CAPRIN1: variants seen among roughly 807,000 people sequenced by gnomAD.
CAPRIN1 encodes the protein cell cycle associated protein 1.
CAPRIN1 carries 29 observed loss-of-function variants against 100.9 expected under a neutral mutation model. The observed-to-expected ratio is 0.29, with a 90% CI of 0.21 to 0.39. The LOEUF is 0.39. Among genes scored for constraint, CAPRIN1 ranks in the 10% least tolerant of loss-of-function variants. The pLI is 1.00. For synonymous variants in CAPRIN1, 338 were observed against 307.5 expected, an observed-to-expected ratio of 1.10 and a Z score of -1.04; for missense variants, 795 against 876.7, an observed-to-expected ratio of 0.91 and a Z score of 1.18.
chr11:34,058,153 T>G (rs535710353), intron 2 of CAPRIN1, among the ~76,000 whole-genome samples: 8 of 152,288 alleles, frequency 5.3e-5, no homozygotes, highest in Non-Finnish European at 1.2e-4. Context: ...CAGTTTTTTT[T>G]GAAACAGAAT....
rs1851371020 is a variant in CAPRIN1 at position 34,096,587 on chromosome 11, A to G, written c.1814A>G (p.Tyr605Cys). The G allele has an allele frequency of 1.9e-6, 3 of 1,614,080 alleles. No homozygotes were observed. The highest frequency in any genetic ancestry group is 2.5e-6 in the Non-Finnish European group (3 of 1,179,978). ...TGFPRSNQPYYNSRGVSRGGS... is the reference protein window; with the variant it reads ...TGFPRSNQPYCNSRGVSRGGS... ...TTTCCACGTAGCAATCAGCCCTATT[A>G]CAATAGTCGTGGTGTGTCTCGTGGA... is the stretch of plus-strand genomic sequence containing the variant. Residue 605 changes from tyrosine to cysteine, a missense_variant, in exon 16 of 19, where the codon TAC becomes TGC. Transcript: ENST00000341394.
intron 2 of CAPRIN1, among the ~76,000 whole-genome samples, chr11:34,058,487 C>T (rs569515230): frequency 6.6e-6 from 1 of 152,306 alleles, no homozygotes; most frequent in Admixed American, 6.5e-5. Context: ...GTTCCACGGC[C>T]TAAGTGTAGT....
intron 17 of CAPRIN1, 121 bp from the exon 18 acceptor site, chr11:34,097,577 C>A: frequency 1.9e-6 from 2 of 1,048,294 alleles, no homozygotes; most frequent in Non-Finnish European, 2.9e-6. Flanking sequence ...CTGTGATAAA[C>A]TGATACTGAA....
intron 15 of CAPRIN1, among the ~76,000 whole-genome samples, chr11:34,094,660 G>T (rs376562823): frequency 6.6e-6 from 1 of 152,070 alleles, no homozygotes; most frequent in South Asian, 2.1e-4. Flanking sequence ...AGCAGGGTGA[G>T]GTGGTGAATG....
At chr11:34,079,863 T>A in intron 7 of CAPRIN1, 98 bp downstream of exon 7, 1 of 1,066,022 alleles carries the variant, frequency 9.4e-7, no homozygotes, top group Non-Finnish European at 1.3e-6. Context: ...TTCATATATG[T>A]ACACTAGATT....
intron 15 of CAPRIN1, among the ~76,000 whole-genome samples, chr11:34,095,578 T>C (rs1717106788): frequency 1.3e-5 from 2 of 152,252 alleles, no homozygotes; most frequent in African/African-American, 2.4e-5. Flanking sequence ...CAGCTGCTTT[T>C]CTCTCTGCCC....
intron 4 of CAPRIN1, 115 bp from the exon 5 acceptor site, chr11:34,076,121 G>T: frequency 1.5e-6 from 1 of 659,550 alleles, no homozygotes. Context: ...TTTGTGTATT[G>T]AGGTCATATC....
At chr11:34,089,843 TA>T (rs1302855291) in intron 12 of CAPRIN1, among the ~76,000 whole-genome samples, 1 of 151,482 alleles carries the variant, frequency 6.6e-6, no homozygotes, top group African/African-American at 2.4e-5. Flanking sequence ...TATTATAATA[TA>T]ATAAGCCTTT....
chr11:34,076,736 G>GCGTT, intron 6 of CAPRIN1, 94 bp downstream of exon 6: 1 of 667,958 alleles, frequency 1.5e-6, no homozygotes, highest in Non-Finnish European at 2.5e-6. Flanking sequence ...AAAAAAATTA[G>GCGTT]TTTTTTTTTT....
intron 7 of CAPRIN1, among the ~76,000 whole-genome samples, chr11:34,080,590 TA>T (rs1851008320): frequency 6.6e-6 from 1 of 152,224 alleles, no homozygotes; most frequent in Admixed American, 6.5e-5. Flanking sequence ...ACTAATTATA[TA>T]GCTAGACACT....
At chr11:34,062,354 G>A (rs940727322) in intron 2 of CAPRIN1, among the ~76,000 whole-genome samples, 1 of 152,054 alleles carries the variant, frequency 6.6e-6, no homozygotes, top group Non-Finnish European at 1.5e-5. Context: ...GACCGGGCGC[G>A]GTGGCTCACG....
intron 15 of CAPRIN1, among the ~76,000 whole-genome samples, chr11:34,094,075 G>A (rs1565098018): frequency 6.6e-6 from 1 of 152,126 alleles, no homozygotes; most frequent in African/African-American, 2.4e-5. Context: ...CGTTGTGGGC[G>A]GGCTTCATGG....
At chr11:34,078,256 A>G (rs978330529) in intron 6 of CAPRIN1, among the ~76,000 whole-genome samples, 1 of 152,216 alleles carries the variant, frequency 6.6e-6, no homozygotes, top group Non-Finnish European at 1.5e-5. Flanking sequence ...AGTTGTTGGT[A>G]GTTTATTAAG....
chr11:34,057,825 TCTC>T (rs1280256522), intron 2 of CAPRIN1, among the ~76,000 whole-genome samples: 1 of 152,068 alleles, frequency 6.6e-6, no homozygotes, highest in African/African-American at 2.4e-5. Flanking sequence ...TTCAAGCTAT[TCTC>T]CTGCCTTAGC....
intron 9 of CAPRIN1, among the ~76,000 whole-genome samples, chr11:34,085,378 C>G (rs1851118525): frequency 6.6e-6 from 1 of 152,044 alleles, no homozygotes; most frequent in South Asian, 2.1e-4. Context: ...GTGCTATGTA[C>G]CAGGTTGTGA....
intron 2 of CAPRIN1, among the ~76,000 whole-genome samples, chr11:34,058,015 C>T (rs190888080): frequency 5.9e-5 from 9 of 152,194 alleles, no homozygotes; most frequent in Admixed American, 2.0e-4. Flanking sequence ...CCACCATGTC[C>T]GGCCTAAGAG....
intron 2 of CAPRIN1, chr11:34,052,883 C>G (rs184419318): frequency 1.5e-6 from 2 of 1,377,100 alleles, no homozygotes; most frequent in Non-Finnish European, 1.9e-6. Flanking sequence ...CTCTTTATTA[C>G]TCTTCCGCTG....
intron 2 of CAPRIN1, among the ~76,000 whole-genome samples, chr11:34,070,235 G>C (rs141275612): frequency 1.3e-5 from 2 of 152,084 alleles, no homozygotes; most frequent in East Asian, 3.8e-4. Context: ...CAAGAAAATG[G>C]GATCTTAAAC....
At chr11:34,068,510 A>T (rs774166883) in intron 2 of CAPRIN1, among the ~76,000 whole-genome samples, 2 of 152,148 alleles carry the variant, frequency 1.3e-5, no homozygotes, top group Non-Finnish European at 2.9e-5. Flanking sequence ...ATGAATTCTA[A>T]ATTTGTTATT....
Sources: gnomAD v4.1 joint callset for allele counts (sites outside exome capture counted in the v4.1 genomes callset) on GRCh38, gnomAD v4.1.1 for gene constraint, MANE v1.5 for transcripts, NCBI Gene and HGNC (gene_info 2026-07-23, HGNC 2026-07-21) for gene names.